The following TDRD5 variants were observed in gnomAD, a reference collection of about 807,000 sequenced individuals.
TDRD5 encodes the protein tudor domain containing 5.
A neutral mutation model predicts 120.6 loss-of-function variants in TDRD5; 41 were observed. The observed-to-expected ratio is 0.34, with a 90% confidence interval of 0.26 to 0.44. The LOEUF (loss-of-function observed/expected upper bound fraction) is 0.44. TDRD5 is among the 20% of genes least tolerant of loss of function. The pLI is 1.00. For synonymous variants in TDRD5, 430 were observed against 433.7 expected (o/e 0.99, Z 0.11); for missense variants, 1,006 against 1,221.2 (o/e 0.82, Z 2.63).
chr1:179,662,610 A>AACT (rs1404454321), intron 15 of TDRD5, among the ~76,000 whole-genome samples: 1 of 152,184 alleles, frequency 6.6e-6, no homozygotes, highest in Non-Finnish European at 1.5e-5. Flanking sequence ...AAAAAATAGG[A>AACT]AAAGAAAGCA....
In TDRD5 at chr1:179,669,362, A is replaced by G; in HGVS notation, c.2818A>G (p.Thr940Ala). ...IQLSTAAPCS[T>A]TAVDDSAEKP... ...GCTTTCCACAGCAGCACCCTGTTCAACAACTGCAGTGGATGATTCCGCAGA... is the reference window on the plus strand; with the variant it reads ...GCTTTCCACAGCAGCACCCTGTTCAGCAACTGCAGTGGATGATTCCGCAGA... The change falls in exon 17 of 18, where the codon ACA becomes GCA. Residue 940 changes from threonine to alanine, a missense_variant. Transcript: ENST00000444136. 1 of 1,614,202 alleles carries G rather than the reference A, an allele frequency of 6.2e-7. No individual in the cohort carries two copies. Among genetic ancestry groups the G allele is most frequent in the Non-Finnish European group, 8.5e-7 (1 of 1,180,038 alleles).
At chr1:179,658,792 C>A (rs188931154) in intron 14 of TDRD5, among the ~76,000 whole-genome samples, 1 of 152,086 alleles carries the variant, frequency 6.6e-6, no homozygotes, top group African/African-American at 2.4e-5. Context: ...TGATTTCTTT[C>A]TTTTATTTTC....
chr1:179,592,988 T>C (rs1232456921), intron 2 of TDRD5, 141 bp downstream of exon 2: 1 of 907,786 alleles, frequency 1.1e-6, no homozygotes, highest in African/African-American at 1.7e-5. Context: ...ATAGGTGCTT[T>C]TGAGGTTGTG....
chr1:179,596,810 T>G (rs1675419324), intron 4 of TDRD5, among the ~76,000 whole-genome samples: 1 of 152,262 alleles, frequency 6.6e-6, no homozygotes. Flanking sequence ...AGTTCATTTC[T>G]CTTGTGTAAA....
chr1:179,690,975 C>G lies in TDRD5; in HGVS notation c.*32C>G. ...GAGGGAGGAGGGAGAAAAACAGAATCCAGCCGCTTAGGCTTTGATGAACTC... is the reference window on the plus strand; with the variant it reads ...GAGGGAGGAGGGAGAAAAACAGAATGCAGCCGCTTAGGCTTTGATGAACTC... On this transcript the variant is annotated 3_prime_UTR_variant, in exon 18 of 18. Transcript: ENST00000444136. 6.3e-7 allele frequency: 1 copy of G among 1,590,790 alleles called. No homozygotes were observed. The highest frequency in any genetic ancestry group is 8.6e-7 in the Non-Finnish European group (1 of 1,168,476).
At chr1:179,620,812 A>G (rs1676800367) in intron 5 of TDRD5, among the ~76,000 whole-genome samples, 1 of 152,124 alleles carries the variant, frequency 6.6e-6, no homozygotes, top group Non-Finnish European at 1.5e-5. Flanking sequence ...GTAGCATGTA[A>G]TAATCATTTC....
chr1:179,651,334 G>A (rs1678702723), intron 12 of TDRD5, among the ~76,000 whole-genome samples: 1 of 152,146 alleles, frequency 6.6e-6, no homozygotes, highest in Admixed American at 6.5e-5. Context: ...CACGGTGGCT[G>A]TCACCTGTAA....
chr1:179,620,368 T>C (rs1476798461), intron 5 of TDRD5, among the ~76,000 whole-genome samples: 1 of 152,158 alleles, frequency 6.6e-6, no homozygotes, highest in Non-Finnish European at 1.5e-5. Context: ...ATCATTGAAC[T>C]AGTATGCAGA....
chr1:179,675,528 C>G (rs888584276), intron 17 of TDRD5, among the ~76,000 whole-genome samples: 2 of 151,622 alleles, frequency 1.3e-5, no homozygotes, highest in Admixed American at 6.6e-5. Context: ...ATCCGCCCGC[C>G]TCGGCCTCCC....
intron 4 of TDRD5, among the ~76,000 whole-genome samples, chr1:179,596,885 T>C (rs1370197450): frequency 6.6e-6 from 1 of 152,232 alleles, no homozygotes; most frequent in Non-Finnish European, 1.5e-5. Flanking sequence ...ACCATTGTTT[T>C]CCAAAGTGGC....
At position 179,645,773 on chromosome 1, in the gene TDRD5, C is replaced by T. The variant is rs547998263; in HGVS notation, c.1801-5094C>T. Among the ~76,000 whole-genome samples the T allele has an allele frequency of 2.6e-5, 4 of 152,168 alleles. No homozygotes were observed. The East Asian group carries it at 7.7e-4, about 29-fold the overall frequency. On this transcript the variant is annotated intron_variant, in intron 11 of 17. Transcript: ENST00000444136. The stretch of plus-strand genomic sequence containing the variant: ...GAGGCTATATTATTAGGTACATATA[C>T]AATACCAAAATTGTTATATCTTCCT...
At chr1:179,631,860 T>G (rs1328273790) in intron 7 of TDRD5, among the ~76,000 whole-genome samples, 1 of 149,698 alleles carries the variant, frequency 6.7e-6, no homozygotes, top group Non-Finnish European at 1.5e-5. Flanking sequence ...GATTTTTTTT[T>G]TTTTTTTTTT....
intron 17 of TDRD5, among the ~76,000 whole-genome samples, chr1:179,684,382 C>A (rs1032564018): frequency 2.6e-5 from 4 of 152,076 alleles, no homozygotes; most frequent in South Asian, 2.1e-4. Flanking sequence ...TGAACTCATC[C>A]TTTTTTATGG....
In TDRD5 at chr1:179,593,648, G is replaced by A; in HGVS notation, c.421G>A (p.Asp141Asn). The change falls in exon 3 of 18, where the codon GAC becomes AAC. Residue 141 changes from aspartate to asparagine, a missense_variant. Asp to Asn is a conservative substitution (Grantham distance 23). Coordinates refer to ENST00000444136, the MANE Select transcript of TDRD5 (RefSeq NM_001199085.3). Reference sequence around the variant, plus strand: ...AGCTGTTGTGAAGAGTGAGTTGAAGGACCTGTTGGCGTTATCTCCTGTTCT... The same window carrying A: ...AGCTGTTGTGAAGAGTGAGTTGAAGAACCTGTTGGCGTTATCTCCTGTTCT... Reference protein sequence around the residue: ...LPAVVKSELKDLLALSPVLLS... With the variant: ...LPAVVKSELKNLLALSPVLLS... 3 of 1,614,226 alleles carry A rather than the reference G, an allele frequency of 1.9e-6. No homozygotes were observed. The highest frequency in any genetic ancestry group is 2.5e-6 in the Non-Finnish European group (3 of 1,180,044).
intron 17 of TDRD5, among the ~76,000 whole-genome samples, chr1:179,670,174 G>A (rs543429553): frequency 1.3e-5 from 2 of 152,170 alleles, no homozygotes; most frequent in South Asian, 2.1e-4. Flanking sequence ...GGTGGATCAC[G>A]AGGTCAGGAG....
At chr1:179,640,954 T>A (rs1256108471) in intron 11 of TDRD5, among the ~76,000 whole-genome samples, 1 of 152,140 alleles carries the variant, frequency 6.6e-6, no homozygotes, top group Non-Finnish European at 1.5e-5. Flanking sequence ...AATTAAAGGA[T>A]GTAAATAGGA....
At chr1:179,592,367 C>T (rs1675154417) in intron 1 of TDRD5, 1 of 452,654 alleles carries the variant, frequency 2.2e-6, no homozygotes, top group Non-Finnish European at 4.1e-6. Flanking sequence ...CCAGTTAACG[C>T]CTCCGCATGG....
intron 11 of TDRD5, among the ~76,000 whole-genome samples, chr1:179,649,940 A>C (rs1361713503): frequency 6.6e-6 from 1 of 152,214 alleles, no homozygotes; most frequent in Non-Finnish European, 1.5e-5. Context: ...GAGGATGTGT[A>C]GACCACCCTG....
intron 6 of TDRD5, among the ~76,000 whole-genome samples, chr1:179,629,800 T>C (rs1217031649): frequency 6.6e-6 from 1 of 152,192 alleles, no homozygotes; most frequent in African/African-American, 2.4e-5. Context: ...AATAACATGA[T>C]AGACGGTCCT....
Sources: allele counts gnomAD v4.1 joint callset (sites outside exome capture counted in the v4.1 genomes callset), GRCh38; gene constraint gnomAD v4.1.1; transcripts MANE v1.5; gene names NCBI Gene and HGNC (gene_info 2026-07-23, HGNC 2026-07-21).